The following ERC2 variants were observed in gnomAD, a reference collection of about 807,000 sequenced individuals.
The protein encoded by ERC2 is ELKS/RAB6-interacting/CAST family member 2.
ERC2 carries 42 observed loss-of-function variants against 114.8 expected under a neutral mutation model. The ratio of observed to expected loss-of-function variants is 0.37; its 90% CI spans 0.29 to 0.47. The LOEUF (loss-of-function observed/expected upper bound fraction) is 0.47. Among genes scored for constraint, ERC2 ranks in the 20% least tolerant of loss-of-function variants. The probability of loss-of-function intolerance (pLI) is 0.99; values close to 1 mark genes in which losing one functional copy is unlikely to be tolerated. For missense variants in ERC2, 939 were observed against 1,150.7 expected, an observed-to-expected ratio of 0.82 and a Z score of 2.66; for synonymous variants, 454 against 425.5, an observed-to-expected ratio of 1.07 and a Z score of -0.82.
At chr3:55,650,690 T>C (rs1185500855) in intron 17 of ERC2, among the ~76,000 whole-genome samples, 1 of 152,160 alleles carries the variant, frequency 6.6e-6, no homozygotes, top group East Asian at 1.9e-4. Context: ...AAACTTCAAT[T>C]AAATGAATGA....
intron 5 of ERC2, among the ~76,000 whole-genome samples, chr3:56,146,687 G>A (rs1318437954): frequency 6.6e-6 from 1 of 152,158 alleles, no homozygotes; most frequent in Non-Finnish European, 1.5e-5. Context: ...TAAGGTTGGT[G>A]CTGTCGCCCC....
intron 3 of ERC2, among the ~76,000 whole-genome samples, chr3:56,254,411 C>CGCA: frequency 6.6e-6 from 1 of 152,120 alleles, no homozygotes; most frequent in East Asian, 1.9e-4. Context: ...TGACAGGACC[C>CGCA]GCAAGTATTT....
chr3:55,837,161 T>G (rs1266994229), intron 14 of ERC2, among the ~76,000 whole-genome samples: 1 of 152,210 alleles, frequency 6.6e-6, no homozygotes, highest in African/African-American at 2.4e-5. Flanking sequence ...TTGGTGGGAC[T>G]GTAAACTAGT....
intron 16 of ERC2, among the ~76,000 whole-genome samples, 173 bp from the exon 17 acceptor site, chr3:55,684,032 G>A (rs535560340): frequency 8.6e-5 from 13 of 151,972 alleles, no homozygotes; most frequent in African/African-American, 2.7e-4. Flanking sequence ...CCACATCACC[G>A]ACTTGTCAAA....
chr3:55,873,377 C>T (rs1009887215), intron 14 of ERC2, among the ~76,000 whole-genome samples: 5 of 152,154 alleles, frequency 3.3e-5, no homozygotes, highest in African/African-American at 1.2e-4. Flanking sequence ...AGTTACTTAA[C>T]CTCTCTGAGC....
intron 6 of ERC2, among the ~76,000 whole-genome samples, chr3:56,116,653 T>A (rs1426365381): frequency 6.6e-6 from 1 of 152,228 alleles, no homozygotes; most frequent in Non-Finnish European, 1.5e-5. Flanking sequence ...ACTCTCTCTA[T>A]CTTTGCTCAT....
At chr3:56,105,834 G>A (rs2078625609) in intron 6 of ERC2, among the ~76,000 whole-genome samples, 1 of 152,184 alleles carries the variant, frequency 6.6e-6, no homozygotes, top group Non-Finnish European at 1.5e-5. Context: ...GTTGAGGGGT[G>A]TGCTAGCTAA....
chr3:56,179,506 C>G (rs1443611512), intron 3 of ERC2, among the ~76,000 whole-genome samples: 2 of 152,118 alleles, frequency 1.3e-5, no homozygotes, highest in Admixed American at 6.5e-5. Flanking sequence ...CCCATCAGAG[C>G]TAGTTAGAGG....
At chr3:55,610,539 A>ACACAC (rs2058865811) in intron 17 of ERC2, 4 of 153,664 alleles carry the variant, frequency 2.6e-5, no homozygotes, top group African/African-American at 9.7e-5. Flanking sequence ...ACACACACAC[A>ACACAC]CACACACACA....
intron 17 of ERC2, among the ~76,000 whole-genome samples, chr3:55,590,129 G>A (rs1264187127): frequency 2.0e-5 from 3 of 152,188 alleles, no homozygotes; most frequent in Admixed American, 1.3e-4. Flanking sequence ...GTGGGCAATT[G>A]TAGGATAACG....
At position 56,362,276 on chromosome 3, in the gene ERC2, T is replaced by A. The variant is rs187893504; in HGVS notation, c.658-65841A>T. On this transcript the variant is annotated intron_variant, in intron 2 of 17. Transcript: ENST00000288221. ...GAGCTTCAAGGTTCCTCAGAGATCATTTTATCCAACTTCCTGTTTTATAGA... is the reference window on the plus strand; with the variant it reads ...GAGCTTCAAGGTTCCTCAGAGATCAATTTATCCAACTTCCTGTTTTATAGA... Among the ~76,000 whole-genome samples the A allele has an allele frequency of 3.9e-5, 6 of 152,308 alleles. No homozygotes were observed. In the East Asian group the frequency reaches 1.2e-3, roughly 29 times the overall value.
chr3:55,650,197 C>T (rs1290641339), intron 17 of ERC2, among the ~76,000 whole-genome samples: 1 of 152,212 alleles, frequency 6.6e-6, no homozygotes, highest in Non-Finnish European at 1.5e-5. Context: ...CCCACCCCAC[C>T]ACGGTGATTG....
At chr3:56,122,740 C>T (rs564764403) in intron 6 of ERC2, among the ~76,000 whole-genome samples, 2 of 152,182 alleles carry the variant, frequency 1.3e-5, no homozygotes, top group South Asian at 2.1e-4. Flanking sequence ...ACCAGAGCAA[C>T]GGGTAGCTCA....
chr3:56,035,873 T>C (rs2074762308), intron 7 of ERC2, among the ~76,000 whole-genome samples: 2 of 152,172 alleles, frequency 1.3e-5, no homozygotes, highest in African/African-American at 4.8e-5. Flanking sequence ...AAGGCCAGCA[T>C]TACCCTGATA....
chr3:55,903,955 G>A (rs1259153231), intron 13 of ERC2, among the ~76,000 whole-genome samples: 1 of 152,232 alleles, frequency 6.6e-6, no homozygotes. Flanking sequence ...ACAGAGGGCA[G>A]CCCAGGAAGG....
At chr3:55,945,704 C>CTT (rs199616735) in intron 13 of ERC2, among the ~76,000 whole-genome samples, 2 of 147,816 alleles carry the variant, frequency 1.4e-5, no homozygotes, top group East Asian at 3.9e-4. Flanking sequence ...GCCTTTCTAG[C>CTT]TTTTTTTTTT....
At chr3:55,982,783 T>C (rs1399052985) in intron 12 of ERC2, among the ~76,000 whole-genome samples, 4 of 152,216 alleles carry the variant, frequency 2.6e-5, no homozygotes, top group Admixed American at 6.5e-5. Flanking sequence ...ACTAAAGGGA[T>C]GCTCTGGCAA....
chr3:56,237,435 A>C (rs1276779939), intron 3 of ERC2, among the ~76,000 whole-genome samples: 1 of 152,210 alleles, frequency 6.6e-6, no homozygotes, highest in East Asian at 1.9e-4. Flanking sequence ...ATCAGGGAGA[A>C]AAGCATATGT....
chr3:55,735,800 GA>G (rs2065595243), intron 14 of ERC2, among the ~76,000 whole-genome samples: 1 of 152,102 alleles, frequency 6.6e-6, no homozygotes, highest in South Asian at 2.1e-4. Flanking sequence ...GGCAGGCAGA[GA>G]AATTTACTGG....
Sources: gnomAD v4.1 joint callset for allele counts (sites outside exome capture counted in the v4.1 genomes callset) on GRCh38, gnomAD v4.1.1 for gene constraint, MANE v1.5 for transcripts, NCBI Gene and HGNC (gene_info 2026-07-23, HGNC 2026-07-21) for gene names.